The following TAFA4 variants were observed in gnomAD, a reference collection of about 807,000 sequenced individuals.
TAFA4 encodes TAFA chemokine like family member 4.
Under a neutral mutation model 21.1 loss-of-function variants are expected in TAFA4, and 20 were observed. The observed-to-expected ratio is 0.95, with a 90% CI of 0.67 to 1.38. TAFA4 has a LOEUF of 1.38. TAFA4 is among the 40% of genes most tolerant of loss of function. TAFA4 has a pLI of 0.00. For synonymous variants in TAFA4, 71 were observed against 67.4 expected, an observed-to-expected ratio of 1.05 and a Z score of -0.26; for missense variants, 211 against 180.9, an observed-to-expected ratio of 1.17 and a Z score of -0.95.
chr3:68,749,052 G>A (rs1187164696), intron 4 of TAFA4, among the ~76,000 whole-genome samples: 2 of 152,154 alleles, frequency 1.3e-5, no homozygotes, highest in Non-Finnish European at 2.9e-5. Flanking sequence ...CTGAATAGCT[G>A]TCTGTTTTAG....
chr3:68,791,466 A>G (rs1426296242), intron 3 of TAFA4, among the ~76,000 whole-genome samples: 2 of 152,170 alleles, frequency 1.3e-5, no homozygotes, highest in African/African-American at 4.8e-5. Flanking sequence ...AGCCCTGCCA[A>G]CACCCTGATT....
chr3:68,812,710 C>A (rs547613432), intron 3 of TAFA4, among the ~76,000 whole-genome samples: 6 of 152,184 alleles, frequency 3.9e-5, no homozygotes, highest in Non-Finnish European at 8.8e-5. Flanking sequence ...ATTTAGACTG[C>A]CACACAATAA....
At chr3:68,894,306 G>A (rs181068305) in intron 1 of TAFA4, among the ~76,000 whole-genome samples, 2 of 152,142 alleles carry the variant, frequency 1.3e-5, no homozygotes, top group African/African-American at 2.4e-5. Context: ...TGATAGGCAC[G>A]CATCCCCATG....
chr3:68,849,532 TC>T (rs1030350063), intron 3 of TAFA4, among the ~76,000 whole-genome samples: 31 of 152,274 alleles, frequency 2.0e-4, no homozygotes, highest in African/African-American at 7.5e-4. Flanking sequence ...ATTCCAGCTG[TC>T]CTTGACAAGG....
intron 3 of TAFA4, among the ~76,000 whole-genome samples, chr3:68,754,812 C>T (rs562001744): frequency 3.3e-4 from 50 of 152,174 alleles, no homozygotes; most frequent in South Asian, 6.2e-4. Flanking sequence ...TTCAAATCGT[C>T]CCATATCTGG....
chr3:68,752,250 G>A (rs1039329959), intron 4 of TAFA4, among the ~76,000 whole-genome samples: 3 of 152,226 alleles, frequency 2.0e-5, no homozygotes, highest in African/African-American at 2.4e-5. Context: ...CTAACACGGC[G>A]TCTGCTGGAA....
intron 3 of TAFA4, among the ~76,000 whole-genome samples, chr3:68,768,208 C>A (rs1702891558): frequency 1.3e-5 from 2 of 152,078 alleles, no homozygotes; most frequent in Non-Finnish European, 2.9e-5. Flanking sequence ...GCAAACCATA[C>A]ATCTGATAAG....
At chr3:68,790,574 T>C (rs1703343666) in intron 3 of TAFA4, among the ~76,000 whole-genome samples, 1 of 152,158 alleles carries the variant, frequency 6.6e-6, no homozygotes, top group East Asian at 1.9e-4. Context: ...ATGAGTCATG[T>C]TATACAGTAA....
intron 3 of TAFA4, among the ~76,000 whole-genome samples, chr3:68,826,390 G>C (rs1369452039): frequency 6.6e-6 from 1 of 152,104 alleles, no homozygotes; most frequent in Non-Finnish European, 1.5e-5. Flanking sequence ...TGGCTAACAC[G>C]GTGAAATCTG....
rs925135053 is a variant in TAFA4 at position 68,732,320 on chromosome 3, C to A, written c.*822G>T. The A allele has an allele frequency of 6.6e-6, 1 of 152,358 alleles. No homozygotes were observed. The allele number at this position is 152,358 out of a possible 1,614,324, so 9.4% of individuals were successfully genotyped here. A position where few individuals can be genotyped will look rare whatever the true frequency, so the allele number is the denominator to read the frequency against. On this transcript the variant is annotated 3_prime_UTR_variant, in exon 6 of 6. Coordinates refer to ENST00000295569, the MANE Select transcript of TAFA4 (RefSeq NM_182522.5). ...GCATAAATTTGATCTAAGAAATAACCCTTGATCTAAATTGAGATTGTTTTA... is the reference window on the plus strand; with the variant it reads ...GCATAAATTTGATCTAAGAAATAACACTTGATCTAAATTGAGATTGTTTTA...
intron 3 of TAFA4, among the ~76,000 whole-genome samples, chr3:68,797,835 G>C (rs1190040325): frequency 6.6e-6 from 1 of 152,078 alleles, no homozygotes; most frequent in Admixed American, 6.6e-5. Context: ...TGGGTACAGA[G>C]TTTCAGCTTT....
chr3:68,809,547 A>AG (rs1703785265), intron 3 of TAFA4, among the ~76,000 whole-genome samples: 2 of 136,888 alleles, frequency 1.5e-5, no homozygotes, highest in Non-Finnish European at 3.1e-5. Context: ...TTTGCCGTGC[A>AG]GAAGTTCTCT....
Position 68,753,912 on chromosome 3 carries a change from C to T in TAFA4, c.131-894G>A, listed in dbSNP as rs550174212. Among the ~76,000 whole-genome samples, 11 of 152,356 alleles carry T rather than the reference C, an allele frequency of 7.2e-5. No individual in the cohort carries two copies. The South Asian group carries it at 1.9e-3, about 26-fold the overall frequency. On this transcript the variant is annotated intron_variant, in intron 3 of 5. Coordinates refer to ENST00000295569, the MANE Select transcript of TAFA4 (RefSeq NM_182522.5). ...CCTTGAATTTAACCCAATGGTGAGA[C>T]GCTGAGCAGAGAATCCAGCCAGGCA...
At chr3:68,769,858 G>T (rs1020744209) in intron 3 of TAFA4, among the ~76,000 whole-genome samples, 2 of 152,070 alleles carry the variant, frequency 1.3e-5, no homozygotes, top group Admixed American at 6.6e-5. Flanking sequence ...TTTATTTGTG[G>T]ATGGATCCCT....
intron 3 of TAFA4, among the ~76,000 whole-genome samples, chr3:68,782,659 T>C (rs1455141342): frequency 6.6e-6 from 1 of 152,174 alleles, no homozygotes; most frequent in Non-Finnish European, 1.5e-5. Context: ...CCACATGTTG[T>C]ACAATTCCAT....
intron 1 of TAFA4, among the ~76,000 whole-genome samples, chr3:68,909,735 T>C (rs2089940634): frequency 1.3e-5 from 2 of 152,244 alleles, no homozygotes; most frequent in Admixed American, 1.3e-4. Flanking sequence ...CACATGACTG[T>C]GTTACTTATC....
chr3:68,812,890 C>G (rs1390324872), intron 3 of TAFA4, among the ~76,000 whole-genome samples: 1 of 127,836 alleles, frequency 7.8e-6, no homozygotes, highest in Non-Finnish European at 1.7e-5. Context: ...CAGCACCACA[C>G]CACACCTATT....
chr3:68,773,998 CGA>C (rs1703005057), intron 3 of TAFA4, among the ~76,000 whole-genome samples: 1 of 152,092 alleles, frequency 6.6e-6, no homozygotes, highest in African/African-American at 2.4e-5. Flanking sequence ...GCCTCTGGAG[CGA>C]GAGACCAAAC....
At chr3:68,872,905 C>A (rs2106939354) in intron 3 of TAFA4, among the ~76,000 whole-genome samples, 1 of 152,206 alleles carries the variant, frequency 6.6e-6, no homozygotes, top group South Asian at 2.1e-4. Context: ...ATTTTGACTT[C>A]ATGTTAAATA....
Sources: gnomAD v4.1 joint callset for allele counts (sites outside exome capture counted in the v4.1 genomes callset) on GRCh38, gnomAD v4.1.1 for gene constraint, MANE v1.5 for transcripts, NCBI Gene and HGNC (gene_info 2026-07-23, HGNC 2026-07-21) for gene names.